TP63: variants seen among roughly 807,000 people sequenced by gnomAD.
The protein encoded by TP63 is tumor protein 63.
In TP63, 17 loss-of-function variants were observed where a neutral mutation model predicts 82.8. The ratio of observed to expected loss-of-function variants is 0.21; its 90% CI spans 0.14 to 0.31. The LOEUF is 0.31. TP63 is among the 10% of genes least tolerant of loss of function. The probability of loss-of-function intolerance (pLI) is 1.00; values close to 1 mark genes in which losing one functional copy is unlikely to be tolerated. For synonymous variants in TP63, 330 were observed against 321.7 expected, an observed-to-expected ratio of 1.03 and a Z score of -0.28; for missense variants, 648 against 895.3, an observed-to-expected ratio of 0.72 and a Z score of 3.52.
the TP63 span, among the ~76,000 whole-genome samples, chr3:189,603,435 T>G: frequency 6.6e-6 from 1 of 152,040 alleles, no homozygotes; most frequent in East Asian, 1.9e-4. Context: ...ATAGTAGTTA[T>G]ACTATTACTA....
chr3:189,658,727 G>C (rs9835923), intron 1 of TP63, among the ~76,000 whole-genome samples: 66,769 of 151,780 alleles, frequency 0.44, 16,072 homozygotes, highest in Middle Eastern at 0.69. Flanking sequence ...TTGTAACTAA[G>C]AGCCAAATGA....
intron 5 of TP63, 89 bp downstream of exon 5, chr3:189,864,507 C>A: frequency 9.7e-6 from 10 of 1,032,606 alleles, no homozygotes; most frequent in Non-Finnish European, 1.4e-5. Context: ...CTACCTGATT[C>A]AGACTTCTGC....
chr3:189,641,039 A>G (rs957436743), intron 1 of TP63, among the ~76,000 whole-genome samples: 9 of 152,150 alleles, frequency 5.9e-5, no homozygotes, highest in Non-Finnish European at 1.3e-4. Flanking sequence ...GAAGATTTGT[A>G]AATAGCTGAT....
intron 3 of TP63, among the ~76,000 whole-genome samples, chr3:189,782,539 C>T (rs950203205): frequency 2.0e-5 from 3 of 151,982 alleles, no homozygotes; most frequent in African/African-American, 4.8e-5. Flanking sequence ...TAGCCATCTT[C>T]AGAAATACAT....
chr3:189,833,329 G>C (rs896934834), intron 4 of TP63, among the ~76,000 whole-genome samples: 4 of 152,220 alleles, frequency 2.6e-5, no homozygotes, highest in African/African-American at 9.6e-5. Context: ...TTCATTTGTA[G>C]TGTAAAAGAA....
intron 1 of TP63, among the ~76,000 whole-genome samples, chr3:189,660,422 C>T (rs1042328603): frequency 6.6e-6 from 1 of 151,892 alleles, no homozygotes; most frequent in Non-Finnish European, 1.5e-5. Flanking sequence ...GTTTTGGTAC[C>T]AGTACCATGC....
rs376329524 is a variant in TP63 at position 189,685,594 on chromosome 3, A to C, written c.63-52146A>C. 1.7e-4 allele frequency among the ~76,000 whole-genome samples: 26 copies of C among 152,238 alleles called. No individual in the cohort carries two copies. In the East Asian group the frequency reaches 4.1e-3, roughly 24 times the overall value. Reference sequence around the variant, plus strand: ...AAAAGGTTTTAACTCTATATTTCCCAAACTGGTTTGTGTAGCAAGTCTTCA... The same window carrying C: ...AAAAGGTTTTAACTCTATATTTCCCCAACTGGTTTGTGTAGCAAGTCTTCA... On this transcript the variant is annotated intron_variant, in intron 1 of 13. Transcript: ENST00000264731.
intron 10 of TP63, chr3:189,880,977 T>G (rs1719847790): frequency 4.1e-6 from 4 of 985,320 alleles, no homozygotes; most frequent in Non-Finnish European, 4.8e-6. Flanking sequence ...ACTCATTTTG[T>G]GCTTTTAATA....
At chr3:189,596,915 T>C in the TP63 span, among the ~76,000 whole-genome samples, 735 of 151,984 alleles carry the variant, frequency 4.8e-3, 3 homozygotes, top group African/African-American at 0.017. Flanking sequence ...AGGAGTCCAC[T>C]GGGAGGAACG....
chr3:189,626,166 G>A, the TP63 span, among the ~76,000 whole-genome samples: 1 of 152,078 alleles, frequency 6.6e-6, no homozygotes, highest in African/African-American at 2.4e-5. Context: ...ACTCCTAATC[G>A]ATGTCAGACT....
intron 4 of TP63, among the ~76,000 whole-genome samples, chr3:189,862,305 G>A (rs1717137101): frequency 6.6e-6 from 1 of 152,030 alleles, no homozygotes. Context: ...AAACGATGAA[G>A]CTATTATTAT....
At chr3:189,712,485 AC>A (rs535880831) in intron 1 of TP63, among the ~76,000 whole-genome samples, 261 of 152,250 alleles carry the variant, frequency 1.7e-3, no homozygotes, top group African/African-American at 5.8e-3. Context: ...TCTGATGAGC[AC>A]CAGCTTTTTC....
At chr3:189,659,961 CAT>C (rs1239011124) in intron 1 of TP63, among the ~76,000 whole-genome samples, 1 of 151,854 alleles carries the variant, frequency 6.6e-6, no homozygotes, top group Non-Finnish European at 1.5e-5. Flanking sequence ...AGACCATTGC[CAT>C]ATATATAGTC....
chr3:189,676,469 G>A (rs1015349281), intron 1 of TP63, among the ~76,000 whole-genome samples: 2 of 151,970 alleles, frequency 1.3e-5, no homozygotes, highest in African/African-American at 4.8e-5. Context: ...GTTATATCAT[G>A]TTGCAAATAA....
chr3:189,890,245 G>A (rs1720879596), intron 12 of TP63, among the ~76,000 whole-genome samples: 1 of 152,182 alleles, frequency 6.6e-6, no homozygotes, highest in East Asian at 1.9e-4. Flanking sequence ...GTTCTGTAAT[G>A]ATGGTGGCAT....
At chr3:189,849,007 T>C (rs1370965655) in intron 4 of TP63, among the ~76,000 whole-genome samples, 2 of 152,160 alleles carry the variant, frequency 1.3e-5, no homozygotes, top group Non-Finnish European at 2.9e-5. Flanking sequence ...AAGGTTAAGT[T>C]GATCACCACT....
chr3:189,693,316 C>T, intron 1 of TP63, among the ~76,000 whole-genome samples: 1 of 152,154 alleles, frequency 6.6e-6, no homozygotes, highest in Admixed American at 6.6e-5. Context: ...CTACTCTTCC[C>T]TACGTTCGTA....
At chr3:189,836,311 G>C (rs77244103) in intron 4 of TP63, among the ~76,000 whole-genome samples, 1 of 152,216 alleles carries the variant, frequency 6.6e-6, no homozygotes, top group South Asian at 2.1e-4. Flanking sequence ...CAAAGTGTTG[G>C]AGGTTTACAA....
rs150305392 is a variant in TP63, at chr3:189,875,827, G to A, written c.1349+2832G>A. ...AAGTGGTTTTTCAGGTGGCATTTCAGTATCTAATAAAAAGCAACACCAGCC... is the reference window on the plus strand; with the variant it reads ...AAGTGGTTTTTCAGGTGGCATTTCAATATCTAATAAAAAGCAACACCAGCC... On this transcript the variant is annotated intron_variant, in intron 10 of 13. Coordinates refer to ENST00000264731, the MANE Select transcript of TP63 (RefSeq NM_003722.5). 6.3e-3 allele frequency among the ~76,000 whole-genome samples: 475 copies of A among 75,706 alleles called. 6 individuals carry two copies. Among genetic ancestry groups the A allele is most frequent in the African/African-American group, 0.026 (459 of 17,648 alleles). 49.7% of individuals were successfully genotyped at this position (75,706 alleles called of 152,430 possible).
Sources: gnomAD v4.1 joint callset for allele counts (sites outside exome capture counted in the v4.1 genomes callset) on GRCh38, gnomAD v4.1.1 for gene constraint, MANE v1.5 for transcripts, NCBI Gene and HGNC (gene_info 2026-07-23, HGNC 2026-07-21) for gene names.